TMEM117: variants seen among roughly 807,000 people sequenced by gnomAD.
TMEM117 encodes transmembrane protein 117.
A neutral mutation model predicts 52.4 loss-of-function variants in TMEM117; 27 were observed. The observed-to-expected ratio is 0.51, with a 90% CI of 0.38 to 0.71. The LOEUF (loss-of-function observed/expected upper bound fraction) is 0.71, where lower values mean the gene tolerates loss of function less well. TMEM117 is among the 30% of genes least tolerant of loss of function. The pLI is 0.00. For synonymous variants in TMEM117, 215 were observed against 206.3 expected, an observed-to-expected ratio of 1.04 and a Z score of -0.36; for missense variants, 556 against 630.5, an observed-to-expected ratio of 0.88 and a Z score of 1.26.
At chr12:43,949,967 C>T (rs982821414) in intron 3 of TMEM117, among the ~76,000 whole-genome samples, 2 of 152,166 alleles carry the variant, frequency 1.3e-5, no homozygotes, top group African/African-American at 4.8e-5. Flanking sequence ...CTGGACACCC[C>T]TCCCCAAATA....
chr12:44,121,326 C>A (rs908554362), intron 3 of TMEM117, among the ~76,000 whole-genome samples: 2 of 152,100 alleles, frequency 1.3e-5, no homozygotes, highest in African/African-American at 4.8e-5. Flanking sequence ...ATATGGTTAA[C>A]CATTGAACAA....
At chr12:43,836,791 G>GT (rs1302976419) in intron 1 of TMEM117, among the ~76,000 whole-genome samples, 1 of 152,022 alleles carries the variant, frequency 6.6e-6, no homozygotes, top group Non-Finnish European at 1.5e-5. Flanking sequence ...GTATGTGTAT[G>GT]TGTGTGTGGG....
chr12:43,984,312 G>C (rs1475834736), intron 3 of TMEM117, among the ~76,000 whole-genome samples: 1 of 151,974 alleles, frequency 6.6e-6, no homozygotes, highest in African/African-American at 2.4e-5. Context: ...AGGTTTCAGT[G>C]AGCTGAGATG....
At chr12:43,972,201 T>A (rs910332829) in intron 3 of TMEM117, among the ~76,000 whole-genome samples, 1 of 152,164 alleles carries the variant, frequency 6.6e-6, no homozygotes, top group African/African-American at 2.4e-5. Context: ...ACAGCACATA[T>A]CATGCATTTC....
At chr12:44,220,919 A>G (rs1437247774) in intron 5 of TMEM117, among the ~76,000 whole-genome samples, 1 of 152,224 alleles carries the variant, frequency 6.6e-6, no homozygotes, top group Non-Finnish European at 1.5e-5. Flanking sequence ...AAATAAGTAA[A>G]TTGGAAAGAA....
chr12:44,361,142 T>A (rs1951715518), intron 6 of TMEM117, among the ~76,000 whole-genome samples: 2 of 152,168 alleles, frequency 1.3e-5, no homozygotes, highest in African/African-American at 2.4e-5. Flanking sequence ...AAATTAAAGC[T>A]ACCCACTGAG....
chr12:43,919,142 T>C (rs1944652334), intron 2 of TMEM117, among the ~76,000 whole-genome samples: 2 of 152,206 alleles, frequency 1.3e-5, no homozygotes, highest in South Asian at 4.1e-4. Context: ...TTTATTATGG[T>C]AATAACACTG....
At chr12:44,033,807 G>A (rs910871197) in intron 3 of TMEM117, among the ~76,000 whole-genome samples, 3 of 152,186 alleles carry the variant, frequency 2.0e-5, no homozygotes, top group Admixed American at 6.5e-5. Context: ...AATATAATGT[G>A]CCTTGATTGG....
At chr12:44,264,307 G>A (rs1197665903) in intron 5 of TMEM117, among the ~76,000 whole-genome samples, 2 of 152,098 alleles carry the variant, frequency 1.3e-5, no homozygotes, top group African/African-American at 2.4e-5. Context: ...TATTACTGAA[G>A]CTTCACCCTA....
At chr12:43,818,297 T>C in the TMEM117 span, among the ~76,000 whole-genome samples, 1 of 152,200 alleles carries the variant, frequency 6.6e-6, no homozygotes, top group African/African-American at 2.4e-5. Flanking sequence ...TTTTTCCTTC[T>C]ATTTACTGGA....
intron 5 of TMEM117, among the ~76,000 whole-genome samples, chr12:44,290,236 C>T (rs1026603273): frequency 2.6e-5 from 4 of 151,246 alleles, no homozygotes; most frequent in African/African-American, 4.9e-5. Context: ...GATGTTATCC[C>T]GTTTGCTTAT....
intron 3 of TMEM117, among the ~76,000 whole-genome samples, chr12:44,142,782 ATC>A: frequency 6.6e-6 from 1 of 152,152 alleles, no homozygotes; most frequent in Admixed American, 6.5e-5. Flanking sequence ...GAGTTATGTG[ATC>A]TGAGTCCCAG....
rs532970016 is a variant in TMEM117 at position 44,132,207 on chromosome 12, A to G, written c.411-11318A>G. Among the ~76,000 whole-genome samples the G allele has an allele frequency of 7.0e-5, 10 of 142,808 alleles. No individual in the cohort carries two copies. In the South Asian group the frequency reaches 1.5e-3, roughly 22 times the overall value. 93.7% of individuals were successfully genotyped at this position (142,808 alleles called of 152,430 possible). On this transcript the variant is annotated intron_variant, in intron 3 of 7. Coordinates refer to ENST00000266534, the MANE Select transcript of TMEM117 (RefSeq NM_032256.3). Reference sequence around the variant, plus strand: ...CTCAGGTTTTTTTTTTTTTTTTTAGATGAAACTTCTGTCTTTAACCTAGAC... The same window carrying G: ...CTCAGGTTTTTTTTTTTTTTTTTAGGTGAAACTTCTGTCTTTAACCTAGAC...
chr12:44,394,300 T>G (rs1243143854), downstream of TMEM117, among the ~76,000 whole-genome samples: 1 of 152,188 alleles, frequency 6.6e-6, no homozygotes, highest in Non-Finnish European at 1.5e-5. Flanking sequence ...AGCATGCAGG[T>G]AGCTGCAACA....
At chr12:44,081,535 A>G (rs1374440152) in intron 3 of TMEM117, among the ~76,000 whole-genome samples, 2 of 152,196 alleles carry the variant, frequency 1.3e-5, no homozygotes. Flanking sequence ...TTATACATTT[A>G]AAAACCTTAT....
intron 3 of TMEM117, among the ~76,000 whole-genome samples, chr12:43,951,196 G>A (rs1057223417): frequency 5.9e-5 from 9 of 152,166 alleles, no homozygotes; most frequent in Non-Finnish European, 1.3e-4. Context: ...CAGGGCCCTG[G>A]GTCTCAAGCA....
chr12:43,992,513 A>G (rs1242862663), intron 3 of TMEM117, among the ~76,000 whole-genome samples: 1 of 152,146 alleles, frequency 6.6e-6, no homozygotes, highest in Non-Finnish European at 1.5e-5. Flanking sequence ...TCCTGGGTTC[A>G]AGCAATCCTT....
At chr12:44,129,432 C>G (rs1054438191) in intron 3 of TMEM117, among the ~76,000 whole-genome samples, 4 of 151,810 alleles carry the variant, frequency 2.6e-5, no homozygotes, top group African/African-American at 9.7e-5. Context: ...ATGTCAGTGT[C>G]TTGCAGAGCT....
the TMEM117 span, chr12:43,804,430 G>A: frequency 4.0e-6 from 4 of 999,522 alleles, no homozygotes; most frequent in Admixed American, 8.1e-5. Context: ...ACAACACACA[G>A]TAAGTTTAAA....
Sources: allele counts gnomAD v4.1 joint callset (sites outside exome capture counted in the v4.1 genomes callset), GRCh38; gene constraint gnomAD v4.1.1; transcripts MANE v1.5; gene names NCBI Gene and HGNC (gene_info 2026-07-23, HGNC 2026-07-21).